XPR1: variants seen among roughly 807,000 people sequenced by gnomAD.
XPR1 encodes the protein xenotropic and polytropic retrovirus receptor 1.
A neutral mutation model predicts 87.5 loss-of-function variants in XPR1; 28 were observed. The ratio of observed to expected loss-of-function variants is 0.32; its 90% confidence interval spans 0.24 to 0.44. The LOEUF (loss-of-function observed/expected upper bound fraction) is 0.44. XPR1 is among the 20% of genes least tolerant of loss of function. XPR1 has a pLI of 1.00. For missense variants in XPR1, 559 were observed against 862.3 expected (o/e 0.65, Z 4.41); for synonymous variants, 300 against 306.1 (o/e 0.98, Z 0.21).
chr1:180,699,168 C>T (rs1462902632), intron 2 of XPR1, among the ~76,000 whole-genome samples: 6 of 150,226 alleles, frequency 4.0e-5, no homozygotes, highest in Non-Finnish European at 5.9e-5. Flanking sequence ...TTATAGTGTC[C>T]CATATGTCAC....
intron 1 of XPR1, among the ~76,000 whole-genome samples, chr1:180,638,999 A>T (rs1233645749): frequency 1.3e-5 from 2 of 152,126 alleles, no homozygotes; most frequent in Non-Finnish European, 2.9e-5. Flanking sequence ...CTGATCAGAA[A>T]ATGTTTTAAA....
intron 11 of XPR1, among the ~76,000 whole-genome samples, chr1:180,848,577 T>G (rs188118611): frequency 6.6e-6 from 1 of 152,174 alleles, no homozygotes; most frequent in African/African-American, 2.4e-5. Flanking sequence ...TGGACACTTA[T>G]GTTGATTTTT....
At chr1:180,855,125 G>C (rs951813963) in intron 11 of XPR1, among the ~76,000 whole-genome samples, 3 of 151,970 alleles carry the variant, frequency 2.0e-5, no homozygotes, top group African/African-American at 7.3e-5. Context: ...TAATGGAAAA[G>C]ACAAATATAT....
At chr1:180,653,840 A>G (rs1186134876) in intron 1 of XPR1, among the ~76,000 whole-genome samples, 3 of 152,156 alleles carry the variant, frequency 2.0e-5, no homozygotes, top group African/African-American at 7.2e-5. Context: ...CTAAGTGACT[A>G]ATTGGTGGGT....
chr1:180,669,037 T>C (rs61384978), intron 1 of XPR1, among the ~76,000 whole-genome samples: 2 of 148,628 alleles, frequency 1.3e-5, no homozygotes, highest in South Asian at 4.2e-4. Context: ...TGCAGAGAGC[T>C]GAGATCGCAC....
At chr1:180,758,206 C>T (rs1355897336) in intron 2 of XPR1, among the ~76,000 whole-genome samples, 2 of 151,106 alleles carry the variant, frequency 1.3e-5, no homozygotes, top group Non-Finnish European at 2.9e-5. Context: ...TATGGATGGA[C>T]CTGCAGGCCA....
intron 1 of XPR1, among the ~76,000 whole-genome samples, chr1:180,648,894 G>A (rs1377418776): frequency 1.3e-5 from 2 of 152,122 alleles, no homozygotes; most frequent in Non-Finnish European, 2.9e-5. Flanking sequence ...TTTCATCTCT[G>A]ATAATTTTTG....
chr1:180,748,055 C>T (rs1407593811), intron 2 of XPR1, among the ~76,000 whole-genome samples: 1 of 152,180 alleles, frequency 6.6e-6, no homozygotes, highest in Non-Finnish European at 1.5e-5. Flanking sequence ...CTTTGATAAC[C>T]TGGTAGGTAC....
chr1:180,655,296 C>CT (rs1378472372), intron 1 of XPR1, among the ~76,000 whole-genome samples: 2 of 151,570 alleles, frequency 1.3e-5, no homozygotes, highest in Admixed American at 6.6e-5. Flanking sequence ...TAGGAGTTCT[C>CT]TATCTATTCT....
chr1:180,858,482 T>A (rs1652107794), intron 11 of XPR1, among the ~76,000 whole-genome samples: 1 of 152,246 alleles, frequency 6.6e-6, no homozygotes, highest in African/African-American at 2.4e-5. Context: ...TTTATGAAAC[T>A]ACTTTTTTCG....
At chr1:180,772,389 G>C (rs1558000717) in intron 2 of XPR1, among the ~76,000 whole-genome samples, 1 of 152,080 alleles carries the variant, frequency 6.6e-6, no homozygotes, top group African/African-American at 2.4e-5. Context: ...TGTTATTTAG[G>C]AACCAAGATC....
intron 2 of XPR1, among the ~76,000 whole-genome samples, chr1:180,701,449 G>T (rs1657328187): frequency 7.7e-6 from 1 of 130,312 alleles, no homozygotes; most frequent in Non-Finnish European, 1.6e-5. Context: ...TTTGTCAAAG[G>T]CTTTTTCTGC....
intron 2 of XPR1, among the ~76,000 whole-genome samples, chr1:180,691,953 T>C (rs1657007593): frequency 6.6e-6 from 1 of 152,182 alleles, no homozygotes; most frequent in Non-Finnish European, 1.5e-5. Context: ...CTGTCAAATA[T>C]GTGCATTTAT....
chr1:180,863,959 A>G (rs1652300590), intron 12 of XPR1, 85 bp downstream of exon 12: 1 of 1,083,640 alleles, frequency 9.2e-7, no homozygotes, highest in Non-Finnish European at 1.2e-6. Context: ...CCCAACCTCT[A>G]ATTATATTAC....
At chr1:180,840,797 A>G (rs1452743266) in intron 11 of XPR1, among the ~76,000 whole-genome samples, 5 of 152,034 alleles carry the variant, frequency 3.3e-5, no homozygotes, top group East Asian at 1.9e-4. Context: ...ATATATATGT[A>G]TATATGTCCA....
chr1:180,865,086 T>C lies in XPR1; in HGVS notation c.1668+1212T>C, dbSNP rs927864035. Among the ~76,000 whole-genome samples, 14 of 152,226 alleles carry C rather than the reference T, an allele frequency of 9.2e-5. No homozygotes were observed. In the East Asian group the frequency reaches 2.5e-3, roughly 27 times the overall value. On this transcript the variant is annotated intron_variant, in intron 12 of 14. Transcript: ENST00000367590. ...TTCAATTGGTAAGTAGGGAAGGCCATTTTCAGGTGTGAGGAATGGTGAATT... is the reference window on the plus strand; with the variant it reads ...TTCAATTGGTAAGTAGGGAAGGCCACTTTCAGGTGTGAGGAATGGTGAATT...
Position 180,812,709 on chromosome 1 carries a change from T to TC in XPR1, c.763+1223dup, listed in dbSNP as rs534258911. Among the ~76,000 whole-genome samples, 44 of 150,502 alleles carry TC rather than the reference T, an allele frequency of 2.9e-4. No homozygotes were observed. The South Asian group carries it at 9.1e-3, about 31-fold the overall frequency. On this transcript the variant is annotated intron_variant, in intron 7 of 14. Transcript: ENST00000367590. ...TGTCGCCAGGTCTGGGGTGCAGTGG[T>TC]CCGATCTCGGCTCACTGCAACCTCT...
chr1:180,830,908 T>C (rs754265932), intron 9 of XPR1, among the ~76,000 whole-genome samples: 4 of 152,298 alleles, frequency 2.6e-5, no homozygotes, highest in Non-Finnish European at 4.4e-5. Context: ...TTCTGTAAAA[T>C]GGGGATATGA....
chr1:180,790,640 C>T (rs1324557938), intron 3 of XPR1, among the ~76,000 whole-genome samples: 1 of 152,002 alleles, frequency 6.6e-6, no homozygotes, highest in Non-Finnish European at 1.5e-5. Flanking sequence ...CCCGGGTTCA[C>T]GTCATTCTCC....
Sources: gnomAD v4.1 joint callset for allele counts (sites outside exome capture counted in the v4.1 genomes callset) on GRCh38, gnomAD v4.1.1 for gene constraint, MANE v1.5 for transcripts, NCBI Gene and HGNC (gene_info 2026-07-23, HGNC 2026-07-21) for gene names.